CSMD1: variants seen among roughly 807,000 people sequenced by gnomAD.
The protein encoded by CSMD1 is CUB and sushi domain-containing protein 1.
In CSMD1, 213 loss-of-function variants were observed where a neutral mutation model predicts 417.5. That is an observed-to-expected ratio of 0.51 (90% CI 0.46 to 0.57). CSMD1 has a LOEUF of 0.57. Ranked by LOEUF, CSMD1 falls within the 20% of genes least tolerant of loss-of-function variation. The pLI, the probability that CSMD1 is intolerant of heterozygous loss-of-function variation, is 0.00. For synonymous variants in CSMD1, 2,862 were observed against 1,736.8 expected (o/e 1.65, Z -16.11); for missense variants, 6,923 against 4,529.7 (o/e 1.53, Z -15.17).
At chr8:3,673,636 G>A (rs914469753) in intron 7 of CSMD1, among the ~76,000 whole-genome samples, 27 of 152,138 alleles carry the variant, frequency 1.8e-4, no homozygotes, top group African/African-American at 5.1e-4. Flanking sequence ...TAACGGGTGC[G>A]GGCAACTTAT....
rs1436109674 is a variant in CSMD1, at chr8:3,549,435, T to C, written c.1344+25510A>G. On this transcript the variant is annotated intron_variant, in intron 10 of 69. Transcript: ENST00000635120. ...CTATGCTTTGAATGTTTATGGCCTTTGAGGCTCACATGGAAACTCAGCCCC... is the reference window on the plus strand; with the variant it reads ...CTATGCTTTGAATGTTTATGGCCTTCGAGGCTCACATGGAAACTCAGCCCC... Among the ~76,000 whole-genome samples the C allele has an allele frequency of 3.9e-5, 6 of 152,324 alleles. No homozygotes were observed. In the East Asian group the frequency reaches 9.7e-4, roughly 25 times the overall value.
At chr8:3,170,814 CCT>C (rs1191244500) in intron 37 of CSMD1, among the ~76,000 whole-genome samples, 2 of 152,150 alleles carry the variant, frequency 1.3e-5, no homozygotes, top group East Asian at 3.8e-4. Flanking sequence ...AGAATCTACC[CCT>C]GATTTCTTTA....
rs184723833 is a variant in CSMD1 at position 3,389,085 on chromosome 8, T to G, written c.2594-1403A>C. ...TGTTTACTTTTATTTTAAAACCCAG[T>G]GCTGGGTGAATGATTTTTTGTTGTT... On this transcript the variant is annotated intron_variant, in intron 17 of 69. Transcript: ENST00000635120. Among the ~76,000 whole-genome samples, 72 of 152,318 alleles carry G rather than the reference T, an allele frequency of 4.7e-4. 1 individual carries two copies. The highest frequency in any genetic ancestry group is 9.8e-4 in the Admixed American group (15 of 15,298).
intron 1 of CSMD1, among the ~76,000 whole-genome samples, chr8:4,791,214 G>C (rs750223188): frequency 6.6e-6 from 1 of 151,432 alleles, no homozygotes; most frequent in East Asian, 1.9e-4. Flanking sequence ...GTGCGTGGAA[G>C]AAGCAGAGGC....
At chr8:4,958,656 G>A (rs1809279070) in intron 1 of CSMD1, among the ~76,000 whole-genome samples, 2 of 152,186 alleles carry the variant, frequency 1.3e-5, no homozygotes, top group African/African-American at 4.8e-5. Context: ...CAGTCTTTCT[G>A]GTTTTGTGAG....
Position 3,136,944 on chromosome 8 carries a change from A to AT in CSMD1, c.6241+5520dup, listed in dbSNP as rs571312498. On this transcript the variant is annotated intron_variant, in intron 41 of 69. Coordinates refer to ENST00000635120, the MANE Select transcript of CSMD1 (RefSeq NM_033225.6). ...AATACTGTTTTGAATTTAAAAACAT[A>AT]TTTTTTTTAAATTTTATTATTTTAA... is the stretch of plus-strand genomic sequence containing the variant. Among the ~76,000 whole-genome samples, 72 of 152,188 alleles carry AT rather than the reference A, an allele frequency of 4.7e-4. No homozygotes were observed. In the East Asian group the frequency reaches 6.9e-3, roughly 15 times the overall value.
intron 5 of CSMD1, among the ~76,000 whole-genome samples, chr8:3,913,471 C>A (rs1359610547): frequency 6.6e-6 from 1 of 152,134 alleles, no homozygotes; most frequent in African/African-American, 2.4e-5. Context: ...CTGGAAGAAG[C>A]AAGCCCTTGG....
At chr8:3,222,485 A>T (rs952588265) in intron 28 of CSMD1, among the ~76,000 whole-genome samples, 2 of 151,996 alleles carry the variant, frequency 1.3e-5, no homozygotes, top group South Asian at 2.1e-4. Context: ...AATTTTTAAA[A>T]TTTTTTGTAG....
intron 5 of CSMD1, among the ~76,000 whole-genome samples, chr8:3,936,231 G>A (rs1446942704): frequency 6.6e-6 from 1 of 151,108 alleles, no homozygotes; most frequent in African/African-American, 2.4e-5. Context: ...GCAAGGTAAA[G>A]CAGCAAGTGA....
intron 3 of CSMD1, among the ~76,000 whole-genome samples, chr8:4,271,149 A>C (rs1456294200): frequency 1.3e-5 from 2 of 152,248 alleles, no homozygotes; most frequent in Admixed American, 1.3e-4. Context: ...AATTATTGTC[A>C]CTACAGATAT....
intron 1 of CSMD1, among the ~76,000 whole-genome samples, chr8:4,905,970 C>T (rs888990407): frequency 6.6e-6 from 1 of 152,164 alleles, no homozygotes; most frequent in African/African-American, 2.4e-5. Context: ...TTCCTGCCTT[C>T]AAATACTTTC....
At chr8:3,963,088 G>A (rs1434908594) in intron 5 of CSMD1, among the ~76,000 whole-genome samples, 2 of 151,996 alleles carry the variant, frequency 1.3e-5, no homozygotes, top group African/African-American at 2.4e-5. Context: ...GCACAACCAC[G>A]TCTGGCTAAT....
At chr8:3,753,643 G>C (rs1249737183) in intron 6 of CSMD1, among the ~76,000 whole-genome samples, 2 of 152,126 alleles carry the variant, frequency 1.3e-5, no homozygotes, top group East Asian at 1.9e-4. Context: ...TTACAGATTA[G>C]ATGCATAATA....
At chr8:4,111,230 C>T (rs754762010) in intron 3 of CSMD1, among the ~76,000 whole-genome samples, 15 of 152,110 alleles carry the variant, frequency 9.9e-5, no homozygotes, top group East Asian at 1.9e-4. Flanking sequence ...TTTGGTTCCA[C>T]GTCTTTGCTT....
At chr8:4,908,554 TTTC>T (rs977605254) in intron 1 of CSMD1, among the ~76,000 whole-genome samples, 1 of 152,048 alleles carries the variant, frequency 6.6e-6, no homozygotes, top group Non-Finnish European at 1.5e-5. Context: ...TTGTTTTGTG[TTTC>T]TTTTTTCTCT....
At chr8:2,958,950 G>GA (rs1290468877) in intron 62 of CSMD1, among the ~76,000 whole-genome samples, 5 of 151,916 alleles carry the variant, frequency 3.3e-5, no homozygotes, top group Non-Finnish European at 7.4e-5. Flanking sequence ...GATATCAGGA[G>GA]AAAAAAAATG....
intron 2 of CSMD1, among the ~76,000 whole-genome samples, chr8:4,427,533 A>C (rs984065770): frequency 1.3e-5 from 2 of 152,074 alleles, no homozygotes; most frequent in South Asian, 4.1e-4. Flanking sequence ...AAACACACAC[A>C]GTGAATCATG....
chr8:4,128,404 C>G (rs1027103129), intron 3 of CSMD1, among the ~76,000 whole-genome samples: 1 of 152,162 alleles, frequency 6.6e-6, no homozygotes, highest in Non-Finnish European at 1.5e-5. Flanking sequence ...ACTAAAACAT[C>G]TGTGATGACT....
intron 17 of CSMD1, among the ~76,000 whole-genome samples, chr8:3,394,012 TTATATATA>T (rs1175905929): frequency 9.5e-5 from 3 of 31,632 alleles, no homozygotes; most frequent in Admixed American, 4.4e-4. Flanking sequence ...AAAAAATAAA[TTATATATA>T]TATATATATA....
Sources: allele counts gnomAD v4.1 joint callset (sites outside exome capture counted in the v4.1 genomes callset), GRCh38; gene constraint gnomAD v4.1.1; transcripts MANE v1.5; gene names NCBI Gene and HGNC (gene_info 2026-07-23, HGNC 2026-07-21).